COL4A3: variants seen among roughly 807,000 people sequenced by gnomAD.
COL4A3 encodes collagen alpha-3(IV) chain.
In COL4A3, 135 loss-of-function variants were observed where a neutral mutation model predicts 217.4. That is an observed-to-expected ratio of 0.62 (90% CI 0.54 to 0.72). The LOEUF is 0.72. Among genes scored for constraint, COL4A3 ranks in the 30% least tolerant of loss-of-function variants. COL4A3 has a pLI of 0.00. For missense variants in COL4A3, 1,868 were observed against 2,119.9 expected, an observed-to-expected ratio of 0.88 and a Z score of 2.33; for synonymous variants, 690 against 736.3, an observed-to-expected ratio of 0.94 and a Z score of 1.02.
intron 1 of COL4A3, among the ~76,000 whole-genome samples, chr2:227,183,466 G>A (rs1417463656): frequency 2.0e-5 from 3 of 152,162 alleles, no homozygotes; most frequent in South Asian, 2.1e-4. Flanking sequence ...GGATGGAAAC[G>A]AGGAAAATAC....
chr2:227,185,515 C>T (rs2066002772), intron 1 of COL4A3, among the ~76,000 whole-genome samples: 1 of 152,184 alleles, frequency 6.6e-6, no homozygotes, highest in Non-Finnish European at 1.5e-5. Context: ...ACTAAAAAAG[C>T]AATGACAACT....
At chr2:227,309,401 G>A in intron 50 of COL4A3, 83 bp downstream of exon 50, 1 of 1,028,394 alleles carries the variant, frequency 9.7e-7, no homozygotes, top group South Asian at 1.3e-5. Context: ...TGATTCCCAG[G>A]GTCGATGCTG....
At chr2:227,168,384 A>G (rs2065351790) in intron 1 of COL4A3, among the ~76,000 whole-genome samples, 1 of 152,232 alleles carries the variant, frequency 6.6e-6, no homozygotes, top group Non-Finnish European at 1.5e-5. Context: ...TGTTTTGACC[A>G]GTGAGTTTGT....
At position 227,312,131 on chromosome 2, in the gene COL4A3, A is replaced by T. The variant is rs1019244359; in HGVS notation, c.*261A>T. On this transcript the variant is annotated 3_prime_UTR_variant, in exon 52 of 52. Transcript: ENST00000396578. ...CAAAATATCACCAAAAACCTATTCC[A>T]CTTACATCCAAGGCACTGTCACTAC... is the stretch of plus-strand genomic sequence containing the variant. The T allele has an allele frequency of 2.6e-5, 12 of 468,892 alleles. No individual in the cohort carries two copies. Among genetic ancestry groups the T allele is most frequent in the Admixed American group, 1.4e-4 (4 of 28,002 alleles). 29.0% of individuals were successfully genotyped at this position (468,892 alleles called of 1,614,324 possible). A position where few individuals can be genotyped will look rare whatever the true frequency, so the allele number is the denominator to read the frequency against.
At position 227,278,023 on chromosome 2, in the gene COL4A3, G is replaced by A. The variant is rs192160158; in HGVS notation, c.2125+470G>A. On this transcript the variant is annotated intron_variant, in intron 28 of 51. Coordinates refer to ENST00000396578, the MANE Select transcript of COL4A3 (RefSeq NM_000091.5). ...TAAAACACAGAGAAAACAACTAGAA[G>A]GAAACTCACCAAAATGGTAATAGTG... Among the ~76,000 whole-genome samples the A allele has an allele frequency of 4.6e-5, 7 of 151,902 alleles. No individual in the cohort carries two copies. In the East Asian group the frequency reaches 1.4e-3, roughly 29 times the overall value.
At chr2:227,263,475 A>G (rs982696335) in intron 20 of COL4A3, among the ~76,000 whole-genome samples, 2 of 152,248 alleles carry the variant, frequency 1.3e-5, no homozygotes, top group Non-Finnish European at 2.9e-5. Context: ...AAAGTAGCAT[A>G]TATGGAAGTA....
chr2:227,213,019 C>T (rs929527130), intron 1 of COL4A3, among the ~76,000 whole-genome samples: 1 of 152,206 alleles, frequency 6.6e-6, no homozygotes, highest in Admixed American at 6.5e-5. Flanking sequence ...ATAAACAAAC[C>T]TGTTTTGGTC....
intron 30 of COL4A3, 114 bp from the exon 31 acceptor site, chr2:227,280,779 G>A: frequency 3.9e-6 from 4 of 1,012,996 alleles, no homozygotes; most frequent in Non-Finnish European, 6.1e-6. Flanking sequence ...ATTAATGGCA[G>A]TAAATATAGA....
At chr2:227,263,718 A>C in intron 20 of COL4A3, 62 bp from the exon 21 acceptor site, 2 of 1,488,164 alleles carry the variant, frequency 1.3e-6, no homozygotes, top group Non-Finnish European at 1.8e-6. Context: ...TTGCAATTAA[A>C]AAATAAATTC....
intron 21 of COL4A3, 76 bp from the exon 22 acceptor site, chr2:227,266,341 T>G: frequency 9.2e-7 from 1 of 1,084,554 alleles, no homozygotes; most frequent in Non-Finnish European, 1.4e-6. Context: ...GCATTTTAAA[T>G]AATACATATA....
At chr2:227,299,447 T>C (rs2073183504) in intron 43 of COL4A3, among the ~76,000 whole-genome samples, 1 of 152,054 alleles carries the variant, frequency 6.6e-6, no homozygotes, top group African/African-American at 2.4e-5. Flanking sequence ...CTCACTACCA[T>C]GAGAATGGCA....
chr2:227,304,135 G>A lies in COL4A3; in HGVS notation c.4144G>A (p.Gly1382Arg). The change falls in exon 46 of 52, where the codon GGA becomes AGA. Residue 1382 changes from glycine (G) to arginine (R), a missense_variant. Around this residue, in one of 2 missense-constraint regions of COL4A3, gnomAD observed 1,503 missense variants for 1,786.1 expected, o/e 0.84. Transcript: ENST00000396578. Reference protein sequence around the residue: ...QGEPGPPGPPGNLGPCGPRGK... With the variant: ...QGEPGPPGPPRNLGPCGPRGK... ...AGAACCTGGGCCACCAGGGCCACCT[G>A]GAAACCTAGGTGTGGGACTGGCAGC... is the stretch of plus-strand genomic sequence containing the variant. The A allele has an allele frequency of 6.2e-7, 1 of 1,614,030 alleles. No homozygotes were observed. Among genetic ancestry groups the A allele is most frequent in the Non-Finnish European group, 8.5e-7 (1 of 1,179,964 alleles).
intron 46 of COL4A3, among the ~76,000 whole-genome samples, chr2:227,304,724 A>G (rs944664218): frequency 7.9e-5 from 12 of 152,232 alleles, no homozygotes; most frequent in African/African-American, 2.9e-4. Flanking sequence ...ATTCTGGAAG[A>G]ACATAAATAA....
At chr2:227,209,530 G>A (rs2067234536) in intron 1 of COL4A3, among the ~76,000 whole-genome samples, 1 of 152,158 alleles carries the variant, frequency 6.6e-6, no homozygotes, top group Admixed American at 6.5e-5. Context: ...CACCTCCTCT[G>A]TGTTAGAACA....
chr2:227,312,082 CTG>C lies in COL4A3; in HGVS notation c.*215_*216del, dbSNP rs1049432549. On this transcript the variant is annotated 3_prime_UTR_variant, in exon 52 of 52. Coordinates refer to ENST00000396578, the MANE Select transcript of COL4A3 (RefSeq NM_000091.5). ...CTAATCTGTGCTGTTTCAAAGTTCT[CTG>C]TGGCAAAGCAGCAACTATTCACAAA... The C allele has an allele frequency of 1.2e-6, 1 of 801,742 alleles. No individual in the cohort carries two copies. The highest frequency in any genetic ancestry group is 1.9e-6 in the Non-Finnish European group (1 of 524,716). 49.7% of individuals were successfully genotyped at this position (801,742 alleles called of 1,614,324 possible).
In COL4A3 at chr2:227,238,176, T is replaced by TA. The variant is rs35499269; in HGVS notation, c.144+165dup. 0.37 allele frequency: 148,236 copies of TA among 404,924 alleles called. 15,172 individuals carry two copies. Among genetic ancestry groups the TA allele is most frequent in the East Asian group, 0.46 (10,682 of 23,084 alleles). The allele number at this position is 404,924 out of a possible 1,614,324, so 25.1% of individuals were successfully genotyped here. A position where few individuals can be genotyped will look rare whatever the true frequency, so the allele number is the denominator to read the frequency against. On this transcript the variant is annotated intron_variant, in intron 2 of 51. Transcript: ENST00000396578. ...AAGTAATTGTATATAAACATTAACC[T>TA]AAAAAAAAAAAAAGAAAAAAGTCAT...
intron 14 of COL4A3, 58 bp from the exon 15 acceptor site, chr2:227,254,598 C>A: frequency 7.8e-7 from 1 of 1,288,650 alleles, no homozygotes; most frequent in South Asian, 1.2e-5. Flanking sequence ...TAATAAAAAT[C>A]AATGTAAGTA....
At chr2:227,176,641 A>C (rs898609215) in intron 1 of COL4A3, among the ~76,000 whole-genome samples, 8 of 152,332 alleles carry the variant, frequency 5.3e-5, no homozygotes, top group Middle Eastern at 3.4e-3. Context: ...AAGTGTATTT[A>C]GAAACTTTGA....
At chr2:227,232,662 G>C (rs1010984940) in intron 1 of COL4A3, among the ~76,000 whole-genome samples, 3 of 151,960 alleles carry the variant, frequency 2.0e-5, no homozygotes, top group Non-Finnish European at 4.4e-5. Context: ...TTTGCTATCT[G>C]TATGTCTTCT....
Sources: gnomAD v4.1 joint callset for allele counts (sites outside exome capture counted in the v4.1 genomes callset) on GRCh38, gnomAD v4.1.1 for gene constraint, gnomAD v4.1.1 regional missense constraint, MANE v1.5 for transcripts, NCBI Gene and HGNC (gene_info 2026-07-23, HGNC 2026-07-21) for gene names.